Variants in ADAM18 observed in about 807,000 individuals in gnomAD.
ADAM18 encodes the protein ADAM metallopeptidase domain 18.
ADAM18 carries 117 observed loss-of-function variants against 94.4 expected under a neutral mutation model. That is an observed-to-expected ratio of 1.24 (90% CI 1.07 to 1.45). The LOEUF (loss-of-function observed/expected upper bound fraction) is 1.45. Among genes scored for constraint, ADAM18 ranks in the 40% most tolerant of loss-of-function variants. ADAM18 has a pLI of 0.00. For missense variants in ADAM18, 936 were observed against 880.0 expected (o/e 1.06, Z -0.81); for synonymous variants, 327 against 291.6 (o/e 1.12, Z -1.24).
chr8:39,703,166 T>C (rs1420600638), intron 17 of ADAM18, among the ~76,000 whole-genome samples: 1 of 152,226 alleles, frequency 6.6e-6, no homozygotes, highest in African/African-American at 2.4e-5. Context: ...CTTTGAGCAA[T>C]GTTTTGTAGT....
chr8:39,701,074 C>T (rs1465637160), intron 17 of ADAM18, among the ~76,000 whole-genome samples: 3 of 126,160 alleles, frequency 2.4e-5, no homozygotes, highest in Non-Finnish European at 4.8e-5. Flanking sequence ...GCCGAGATCC[C>T]GCCACTGCAC....
intron 6 of ADAM18, chr8:39,611,429 A>AG (rs1384959675): frequency 3.0e-6 from 3 of 984,708 alleles, no homozygotes; most frequent in Non-Finnish European, 3.6e-6. Context: ...TCCTGAAAAA[A>AG]AAAATCCCAT....
At chr8:39,637,127 T>A (rs1348394675) in intron 7 of ADAM18, 137 bp from the exon 8 acceptor site, 2 of 476,076 alleles carry the variant, frequency 4.2e-6, no homozygotes, top group Non-Finnish European at 7.0e-6. Flanking sequence ...TAGAATTTGC[T>A]CAAATCTGCA....
intron 18 of ADAM18, among the ~76,000 whole-genome samples, chr8:39,709,782 G>A (rs903387492): frequency 2.6e-5 from 4 of 152,136 alleles, no homozygotes; most frequent in African/African-American, 7.2e-5. Flanking sequence ...AGGTCCCAAA[G>A]TAAACAATAA....
intron 18 of ADAM18, among the ~76,000 whole-genome samples, chr8:39,718,490 G>T (rs530666984): frequency 4.0e-5 from 6 of 151,684 alleles, no homozygotes; most frequent in Admixed American, 2.6e-4. Context: ...CCACGTATGT[G>T]AAGTACCTAA....
At chr8:39,666,075 C>T (rs1375891208) in intron 13 of ADAM18, among the ~76,000 whole-genome samples, 1 of 152,092 alleles carries the variant, frequency 6.6e-6, no homozygotes, top group African/African-American at 2.4e-5. Context: ...TCTGGCTCTG[C>T]TGCCCAGACT....
At chr8:39,722,241 A>G (rs1261596158) in intron 18 of ADAM18, among the ~76,000 whole-genome samples, 11,067 of 85,700 alleles carry the variant, frequency 0.13, 640 homozygotes, top group Non-Finnish European at 0.21. Context: ...ATATATATAT[A>G]TATATATATA....
At chr8:39,647,919 C>G (rs767296679) in intron 11 of ADAM18, among the ~76,000 whole-genome samples, 13 of 152,114 alleles carry the variant, frequency 8.5e-5, no homozygotes, top group African/African-American at 2.9e-4. Flanking sequence ...AGGTACAGGT[C>G]AAAATGGAAT....
At chr8:39,660,855 T>G (rs544293212) in intron 12 of ADAM18, among the ~76,000 whole-genome samples, 1 of 152,322 alleles carries the variant, frequency 6.6e-6, no homozygotes, top group Admixed American at 6.5e-5. Flanking sequence ...TGCAATATTG[T>G]GCAGAAACAG....
chr8:39,722,213 GTGTGTATATATATATATATATATA>G (rs1278070172), intron 18 of ADAM18, among the ~76,000 whole-genome samples: 80 of 73,398 alleles, frequency 1.1e-3, no homozygotes, highest in African/African-American at 5.6e-3. Context: ...GTGTGTGTGT[GTGTGTATATATATATATATATATA>G]TATATATATA....
chr8:39,585,182 C>CGCCA (rs1465889083), intron 1 of ADAM18, 94 bp from the exon 2 acceptor site: 45 of 887,288 alleles, frequency 5.1e-5, no homozygotes, highest in Non-Finnish European at 7.6e-5. Flanking sequence ...AAATTTTAGG[C>CGCCA]GCCACCATGC....
intron 6 of ADAM18, among the ~76,000 whole-genome samples, chr8:39,628,656 C>T (rs1224731890): frequency 6.6e-6 from 1 of 151,912 alleles, no homozygotes; most frequent in African/African-American, 2.4e-5. Context: ...ATGCTTAGAT[C>T]AAAGAAGAAA....
intron 2 of ADAM18, among the ~76,000 whole-genome samples, chr8:39,588,273 G>A (rs1818467008): frequency 6.6e-6 from 1 of 151,454 alleles, no homozygotes; most frequent in Admixed American, 6.6e-5. Context: ...TAGCTGTGAG[G>A]TGATATTTCA....
chr8:39,634,846 G>C (rs537974165), intron 7 of ADAM18, among the ~76,000 whole-genome samples: 1 of 152,280 alleles, frequency 6.6e-6, no homozygotes, highest in East Asian at 1.9e-4. Flanking sequence ...AACAAGTTAG[G>C]ATTTTTTAGG....
chr8:39,617,912 A>AT (rs1819492915), intron 6 of ADAM18, among the ~76,000 whole-genome samples: 1 of 152,142 alleles, frequency 6.6e-6, no homozygotes, highest in South Asian at 2.1e-4. Flanking sequence ...TGATCTGTAC[A>AT]TTAAACCCCT....
intron 5 of ADAM18, 148 bp from the exon 6 acceptor site, chr8:39,610,381 C>T (rs996597862): frequency 2.4e-5 from 25 of 1,051,986 alleles, no homozygotes; most frequent in Middle Eastern, 6.7e-4. Context: ...TAAACTGCCC[C>T]CCCAAAAAAT....
intron 12 of ADAM18, among the ~76,000 whole-genome samples, chr8:39,651,935 ATG>A (rs1343670413): frequency 6.7e-6 from 1 of 149,978 alleles, no homozygotes; most frequent in Non-Finnish European, 1.5e-5. Flanking sequence ...CCAAAAATAA[ATG>A]GACACATTTA....
chr8:39,643,889 C>G (rs760273558), intron 10 of ADAM18, among the ~76,000 whole-genome samples: 33 of 151,404 alleles, frequency 2.2e-4, no homozygotes, highest in Admixed American at 5.3e-4. Flanking sequence ...TATCTTGCCC[C>G]AAAACATGAT....
chr8:39,605,337 T>C (rs954127935), intron 2 of ADAM18, among the ~76,000 whole-genome samples: 6 of 152,204 alleles, frequency 3.9e-5, no homozygotes, highest in Admixed American at 3.9e-4. Flanking sequence ...CTGGATGCCA[T>C]CACAATAGGA....
Sources: allele counts gnomAD v4.1 joint callset (sites outside exome capture counted in the v4.1 genomes callset), GRCh38; gene constraint gnomAD v4.1.1; transcripts MANE v1.5; gene names NCBI Gene and HGNC (gene_info 2026-07-23, HGNC 2026-07-21).